The following CDKL5 variants were observed in gnomAD, a reference collection of about 807,000 sequenced individuals.
The protein encoded by CDKL5 is cyclin dependent kinase like 5, also known as cyclin-dependent kinase-like 5.
A neutral mutation model predicts 61.7 loss-of-function variants in CDKL5; 8 were observed. The observed-to-expected ratio is 0.13, with a 90% CI of 0.08 to 0.23. CDKL5 has a LOEUF of 0.23. CDKL5 is among the 10% of genes least tolerant of loss of function. The pLI is 1.00. For synonymous variants in CDKL5, 275 were observed against 272.3 expected (o/e 1.01, Z -0.10); for missense variants, 440 against 734.5 (o/e 0.60, Z 4.63).
At chrX:18,548,062 G>GT (rs1402347772) in intron 3 of CDKL5, among the ~76,000 whole-genome samples, 1 of 108,896 alleles carries the variant, frequency 9.2e-6, no homozygotes, top group Non-Finnish European at 1.9e-5. Context: ...TTGATTTTTT[G>GT]TTTTTTAGAT....
In CDKL5 at chrX:18,432,099, CTT is replaced by C. The variant is rs139849633; in HGVS notation, c.-163+6420_-163+6421del. Among the ~76,000 whole-genome samples, 829 of 90,211 alleles carry C rather than the reference CTT, an allele frequency of 9.2e-3. 15 individuals are homozygous for C. The highest frequency in any genetic ancestry group is 0.031 in the African/African-American group (764 of 24,902). The allele number at this position is 90,211 out of a possible 115,157, so 78.3% of individuals were successfully genotyped here. On this transcript the variant is annotated intron_variant, in intron 1 of 17. Coordinates refer to ENST00000623535, the MANE Select transcript of CDKL5 (RefSeq NM_001323289.2). Reference sequence around the variant, plus strand: ...AATTTCTTTCTTTCTTTCTTTCTTTCTTTTTTTTTTTTTTTTTGAGATGGAGG... The same window carrying C: ...AATTTCTTTCTTTCTTTCTTTCTTTCTTTTTTTTTTTTTTTGAGATGGAGG...
In CDKL5 at chrX:18,630,190, C is replaced by G. The variant is rs1027627440; in HGVS notation, c.*1433C>G. 1 of 753,339 alleles carries G rather than the reference C, an allele frequency of 1.3e-6. No individual in the cohort carries two copies. The highest frequency in any genetic ancestry group is 6.8e-5 in the South Asian group (1 of 14,765). The allele number at this position is 753,339 out of a possible 1,213,427, so 62.1% of individuals were successfully genotyped here. ...ACAAGATTTTCATGCACACCTGTTACGCACACAACCCCCATCAGAACAGGA... is the reference window on the plus strand; with the variant it reads ...ACAAGATTTTCATGCACACCTGTTAGGCACACAACCCCCATCAGAACAGGA... On this transcript the variant is annotated 3_prime_UTR_variant, in exon 18 of 18. Coordinates refer to ENST00000623535, the MANE Select transcript of CDKL5 (RefSeq NM_001323289.2).
At chrX:18,621,205 GA>G (rs1169479717) in intron 16 of CDKL5, among the ~76,000 whole-genome samples, 2 of 111,892 alleles carry the variant, frequency 1.8e-5, no homozygotes, top group Admixed American at 9.5e-5. Context: ...TTTCTATTAT[GA>G]AAATTATAGA....
chrX:18,426,750 A>T lies in CDKL5; in HGVS notation c.-163+1055A>T, dbSNP rs181589139. The T allele has an allele frequency of 1.3e-4, 15 of 112,669 alleles. No homozygotes were observed. The East Asian group carries it at 3.1e-3, about 23-fold the overall frequency. The allele number at this position is 112,669 out of a possible 1,213,427, so 9.3% of individuals were successfully genotyped here. ...AATGGTTATATAGTTAATGTAAAAG[A>T]TTACACAAATTAATTTGTCTGAGAG... On this transcript the variant is annotated intron_variant, in intron 1 of 17. Transcript: ENST00000623535.
chrX:18,479,249 T>C (rs765129787), intron 1 of CDKL5, among the ~76,000 whole-genome samples: 14 of 110,944 alleles, frequency 1.3e-4, no homozygotes, highest in Non-Finnish European at 1.5e-4. Flanking sequence ...TTGGAGTTTG[T>C]TGAGTTTCTT....
chrX:18,474,718 A>G (rs1245452688), intron 1 of CDKL5, among the ~76,000 whole-genome samples: 1 of 111,761 alleles, frequency 8.9e-6, no homozygotes, highest in Non-Finnish European at 1.9e-5. Flanking sequence ...CCCCGTTCCT[A>G]GGGACCTTAA....
intron 1 of CDKL5, among the ~76,000 whole-genome samples, chrX:18,474,267 C>T (rs970140844): frequency 6.3e-5 from 7 of 111,277 alleles, no homozygotes; most frequent in Non-Finnish European, 1.3e-4. Context: ...TTTACAAGAC[C>T]GTGAGGAGAT....
intron 1 of CDKL5, chrX:18,497,291 G>A (rs1432501716): frequency 9.0e-6 from 1 of 111,427 alleles, no homozygotes; most frequent in Non-Finnish European, 1.9e-5. Context: ...TTTTTCCAAA[G>A]TCTTCAGACA....
downstream of CDKL5, chrX:18,641,262 C>G (rs952432912): frequency 5.3e-5 from 6 of 112,831 alleles, no homozygotes; most frequent in Non-Finnish European, 9.3e-5. Context: ...ATGGTGACCA[C>G]AGACACGGGG....
chrX:18,476,990 G>A (rs1352441080), intron 1 of CDKL5, among the ~76,000 whole-genome samples: 2 of 111,743 alleles, frequency 1.8e-5, no homozygotes, highest in Non-Finnish European at 3.8e-5. Context: ...GGATGGTTTC[G>A]ATCTCTTGAC....
intron 16 of CDKL5, among the ~76,000 whole-genome samples, chrX:18,621,188 G>A (rs1452401935): frequency 8.9e-6 from 1 of 112,146 alleles, no homozygotes; most frequent in Non-Finnish European, 1.9e-5. Flanking sequence ...CAGTGTTTCT[G>A]AGGCCCTTTC....
At chrX:18,512,320 A>G (rs1474593988) in intron 3 of CDKL5, among the ~76,000 whole-genome samples, 4 of 111,828 alleles carry the variant, frequency 3.6e-5, no homozygotes, top group Non-Finnish European at 7.5e-5. Context: ...TTAACCCAAA[A>G]CATTTAAACT....
chrX:18,546,258 CTT>C (rs935420091), intron 3 of CDKL5, among the ~76,000 whole-genome samples: 9 of 90,511 alleles, frequency 9.9e-5, no homozygotes, highest in Admixed American at 1.2e-4. Context: ...TCTACTTCTT[CTT>C]TTTTTTTTTT....
chrX:18,524,616 C>A lies in CDKL5; in HGVS notation c.99+13762C>A, dbSNP rs533600708. 3.5e-3 allele frequency among the ~76,000 whole-genome samples: 390 copies of A among 111,926 alleles called. 2 individuals carry two copies. In the Middle Eastern group the frequency reaches 0.046, roughly 13 times the overall value. ...AGAAGTTTTTAATTTTAATGAAATC[C>A]TACTTAGCAATTTTGTCTTTCATGG... On this transcript the variant is annotated intron_variant, in intron 3 of 17. Transcript: ENST00000623535.
intron 3 of CDKL5, among the ~76,000 whole-genome samples, chrX:18,515,979 C>T (rs1313659753): frequency 9.2e-6 from 1 of 109,167 alleles, no homozygotes; most frequent in Non-Finnish European, 1.9e-5. Flanking sequence ...TCCTCCCTTC[C>T]TTCCTTTCTT....
At chrX:18,563,420 T>G (rs1393729341) in intron 3 of CDKL5, among the ~76,000 whole-genome samples, 2 of 111,925 alleles carry the variant, frequency 1.8e-5, no homozygotes, top group East Asian at 2.8e-4. Flanking sequence ...AGGAGTTTCT[T>G]TAAGTCAGAA....
chrX:18,479,310 ATTTC>A (rs1921451790), intron 1 of CDKL5, among the ~76,000 whole-genome samples: 1 of 75,612 alleles, frequency 1.3e-5, no homozygotes, highest in Non-Finnish European at 2.6e-5. Flanking sequence ...CTCAGCCACT[ATTTC>A]TTTTTTTTTT....
chrX:18,565,329 T>C (rs758712701), intron 4 of CDKL5, among the ~76,000 whole-genome samples: 1 of 112,024 alleles, frequency 8.9e-6, no homozygotes, highest in Non-Finnish European at 1.9e-5. Flanking sequence ...TATGTAACAC[T>C]ATATGTAAAT....
intron 3 of CDKL5, among the ~76,000 whole-genome samples, chrX:18,554,627 G>C (rs1026126852): frequency 3.6e-5 from 4 of 109,997 alleles, no homozygotes; most frequent in Non-Finnish European, 7.6e-5. Flanking sequence ...TGTTGGCCAG[G>C]CTGGTCTCGA....
Sources: gnomAD v4.1 joint callset for allele counts (sites outside exome capture counted in the v4.1 genomes callset) on GRCh38, gnomAD v4.1.1 for gene constraint, MANE v1.5 for transcripts, NCBI Gene and HGNC (gene_info 2026-07-23, HGNC 2026-07-21) for gene names.